Variants in SH2D4A observed in about 807,000 individuals in gnomAD.
SH2D4A encodes the protein SH2 domain containing 4A.
Under a neutral mutation model 64.7 loss-of-function variants are expected in SH2D4A, and 70 were observed. The ratio of observed to expected loss-of-function variants is 1.08; its 90% CI spans 0.89 to 1.32. SH2D4A has a LOEUF of 1.32. SH2D4A is among the 40% of genes most tolerant of loss of function. The pLI is 0.00. For missense variants in SH2D4A, 706 were observed against 540.1 expected, an observed-to-expected ratio of 1.31 and a Z score of -3.04; for synonymous variants, 268 against 200.7, an observed-to-expected ratio of 1.34 and a Z score of -2.83.
chr8:19,330,116 T>C (rs2052347098), intron 2 of SH2D4A, among the ~76,000 whole-genome samples: 1 of 152,200 alleles, frequency 6.6e-6, no homozygotes, highest in Non-Finnish European at 1.5e-5. Flanking sequence ...TAGCTCTACA[T>C]CTTGCTAATA....
At chr8:19,341,807 A>G (rs2052533091) in intron 4 of SH2D4A, among the ~76,000 whole-genome samples, 2 of 148,002 alleles carry the variant, frequency 1.4e-5, no homozygotes, top group African/African-American at 5.1e-5. Context: ...ACGCTACCCA[A>G]CTCTAGCCCG....
intron 8 of SH2D4A, among the ~76,000 whole-genome samples, chr8:19,392,034 C>A (rs542506745): frequency 2.0e-5 from 3 of 152,152 alleles, no homozygotes; most frequent in African/African-American, 7.2e-5. Flanking sequence ...TTCCAAGATG[C>A]GTTTCTACTC....
intron 2 of SH2D4A, among the ~76,000 whole-genome samples, chr8:19,324,665 A>G (rs780777133): frequency 1.3e-5 from 2 of 152,070 alleles, no homozygotes; most frequent in Non-Finnish European, 2.9e-5. Flanking sequence ...TTCATCTTGA[A>G]TATCTGTATT....
rs1354177308 is a variant in SH2D4A at position 19,334,829 on chromosome 8, C to T, written c.485C>T (p.Ala162Val). The T allele has an allele frequency of 6.2e-7, 1 of 1,608,706 alleles. No individual in the cohort carries two copies. The highest frequency in any genetic ancestry group is 8.5e-7 in the Non-Finnish European group (1 of 1,178,790). The change falls in exon 4 of 10, where the codon GCA becomes GTA. Residue 162 changes from alanine (A) to valine (V), a missense_variant. Transcript: ENST00000265807. The part of the protein sequence containing the change: ...KEELEQGSRP[A>V]PTLEEEKIRS... ...GAACTGGAGCAAGGATCGAGGCCAGCACCAACCCTGGAAGAAGAGAAAATC... is the reference window on the plus strand; with the variant it reads ...GAACTGGAGCAAGGATCGAGGCCAGTACCAACCCTGGAAGAAGAGAAAATC...
At chr8:19,360,592 C>T (rs568348894) in intron 5 of SH2D4A, among the ~76,000 whole-genome samples, 41 of 152,064 alleles carry the variant, frequency 2.7e-4, no homozygotes, top group East Asian at 1.4e-3. Flanking sequence ...CCAGCCTGGG[C>T]GAAGGAGTGA....
At chr8:19,314,955 T>A (rs771596770) in intron 1 of SH2D4A, among the ~76,000 whole-genome samples, 1 of 152,224 alleles carries the variant, frequency 6.6e-6, no homozygotes, top group Non-Finnish European at 1.5e-5. Flanking sequence ...AGCTGGCTGT[T>A]TTAAAAGAAT....
chr8:19,365,165 C>T (rs1201065406), intron 7 of SH2D4A, among the ~76,000 whole-genome samples: 4 of 152,098 alleles, frequency 2.6e-5, no homozygotes, highest in Non-Finnish European at 5.9e-5. Flanking sequence ...TGCTTGGAGT[C>T]GTAGTTATCT....
chr8:19,384,696 A>T (rs999448585), intron 8 of SH2D4A, among the ~76,000 whole-genome samples: 11 of 151,966 alleles, frequency 7.2e-5, no homozygotes, highest in Non-Finnish European at 1.6e-4. Context: ...GTGTGTAGAT[A>T]CATAATTCAT....
At chr8:19,315,665 G>T (rs1300018273) in intron 1 of SH2D4A, among the ~76,000 whole-genome samples, 1 of 152,146 alleles carries the variant, frequency 6.6e-6, no homozygotes, top group African/African-American at 2.4e-5. Context: ...TTTAAGAAAG[G>T]GGCTGTGTTA....
rs1031502102 is a variant in SH2D4A at position 19,393,649 on chromosome 8, G to T, written c.1272+108G>T. ...AGGACTGAGACAAGTACTGGGGAGG[G>T]GACAGGGGTGGGGGCTTGTCTTTGA... On this transcript the variant is annotated intron_variant, in intron 9 of 9. Transcript: ENST00000265807. 1.7e-5 allele frequency: 18 copies of T among 1,030,546 alleles called. No individual in the cohort carries two copies. In the African/African-American group the frequency reaches 2.7e-4, roughly 16 times the overall value. 63.8% of individuals were successfully genotyped at this position (1,030,546 alleles called of 1,614,324 possible). A position where few individuals can be genotyped will look rare whatever the true frequency, so the allele number is the denominator to read the frequency against.
At chr8:19,380,680 C>T (rs2053278365) in intron 8 of SH2D4A, among the ~76,000 whole-genome samples, 1 of 152,164 alleles carries the variant, frequency 6.6e-6, no homozygotes, top group South Asian at 2.1e-4. Flanking sequence ...ATCATTTGAC[C>T]ATGTCTATGC....
intron 1 of SH2D4A, among the ~76,000 whole-genome samples, chr8:19,317,561 A>G (rs2052111504): frequency 6.6e-6 from 1 of 152,190 alleles, no homozygotes. Flanking sequence ...AGAGCTGAGT[A>G]TGCACACCAC....
intron 2 of SH2D4A, among the ~76,000 whole-genome samples, chr8:19,322,037 A>G (rs575087331): frequency 6.6e-6 from 1 of 152,188 alleles, no homozygotes; most frequent in African/African-American, 2.4e-5. Context: ...TCAATATCTC[A>G]CGTCAAAAGT....
chr8:19,356,551 G>C (rs540556832), intron 4 of SH2D4A, among the ~76,000 whole-genome samples: 2 of 152,294 alleles, frequency 1.3e-5, no homozygotes, highest in East Asian at 3.9e-4. Context: ...ATTGTGATTT[G>C]CTGGCATACT....
chr8:19,323,123 CTGCT>C (rs1279720600), intron 2 of SH2D4A, among the ~76,000 whole-genome samples: 2 of 152,008 alleles, frequency 1.3e-5, no homozygotes, highest in African/African-American at 4.8e-5. Flanking sequence ...TGGATCTACT[CTGCT>C]TGCTGGGGTA....
Position 19,313,707 on chromosome 8 carries a change from C to T in SH2D4A, c.-321C>T, listed in dbSNP as rs2052033693. The stretch of plus-strand genomic sequence containing the variant: ...TCCGGGCCGGAGTATTTGCTCAGCC[C>T]GCCTGCGCCGCTTGGGACGCCTCTG... On this transcript the variant is annotated 5_prime_UTR_variant, in exon 1 of 10. Transcript: ENST00000265807. 2 of 1,476,374 alleles carry T rather than the reference C, an allele frequency of 1.4e-6. No homozygotes were observed. Among genetic ancestry groups the T allele is most frequent in the Non-Finnish European group, 1.8e-6 (2 of 1,106,728 alleles). The allele number at this position is 1,476,374 out of a possible 1,614,324, so 91.5% of individuals were successfully genotyped here.
intron 8 of SH2D4A, among the ~76,000 whole-genome samples, chr8:19,390,336 G>C (rs551278455): frequency 2.7e-4 from 41 of 152,160 alleles, no homozygotes; most frequent in African/African-American, 9.6e-4. Context: ...AGCCGAGATC[G>C]CACCACTGCA....
At chr8:19,317,785 A>G (rs943410494) in intron 1 of SH2D4A, among the ~76,000 whole-genome samples, 3 of 152,210 alleles carry the variant, frequency 2.0e-5, no homozygotes, top group African/African-American at 7.2e-5. Flanking sequence ...ACTTGTCTGA[A>G]GTTTAAGACT....
Position 19,320,191 on chromosome 8 carries a change from T to G in SH2D4A, c.181+463T>G, listed in dbSNP as rs189853540. Among the ~76,000 whole-genome samples the G allele has an allele frequency of 3.9e-3, 599 of 152,114 alleles. 2 individuals carry two copies. Among genetic ancestry groups the G allele is most frequent in the Middle Eastern group, 0.01 (3 of 294 alleles). On this transcript the variant is annotated intron_variant, in intron 2 of 9. Transcript: ENST00000265807. ...CTCCTGTTAAAATGTAAGGAATTGC[T>G]ATAAGGAAAAAAATCATAATACTAT...
Sources: gnomAD v4.1 joint callset for allele counts (sites outside exome capture counted in the v4.1 genomes callset) on GRCh38, gnomAD v4.1.1 for gene constraint, MANE v1.5 for transcripts, NCBI Gene and HGNC (gene_info 2026-07-23, HGNC 2026-07-21) for gene names.